LRRFIP2: variants seen among roughly 807,000 people sequenced by gnomAD.
LRRFIP2 encodes the protein leucine-rich repeat flightless-interacting protein 2.
A neutral mutation model predicts 125.9 loss-of-function variants in LRRFIP2; 109 were observed. That is an observed-to-expected ratio of 0.87 (90% confidence interval 0.74 to 1.01). The LOEUF (loss-of-function observed/expected upper bound fraction) is 1.01. Among genes scored for constraint, LRRFIP2 ranks in the 50% least tolerant of loss-of-function variants. LRRFIP2 has a pLI of 0.00. For missense variants in LRRFIP2, 850 were observed against 862.3 expected (o/e 0.99, Z 0.18); for synonymous variants, 291 against 293.1 (o/e 0.99, Z 0.07).
At chr3:37,130,175 C>T (rs2095390993) in intron 2 of LRRFIP2, among the ~76,000 whole-genome samples, 1 of 152,140 alleles carries the variant, frequency 6.6e-6, no homozygotes, top group Admixed American at 6.6e-5. Flanking sequence ...TTTCTGTGTC[C>T]ATGCATTCGC....
intron 21 of LRRFIP2, among the ~76,000 whole-genome samples, chr3:37,071,305 T>C (rs1449683354): frequency 6.6e-6 from 1 of 152,184 alleles, no homozygotes; most frequent in Non-Finnish European, 1.5e-5. Flanking sequence ...GCAGCCTCCA[T>C]CGTGTGGGCT....
chr3:37,132,033 C>A (rs1027661753), intron 2 of LRRFIP2, among the ~76,000 whole-genome samples: 1 of 152,132 alleles, frequency 6.6e-6, no homozygotes, highest in Non-Finnish European at 1.5e-5. Context: ...TAGTTTTCTC[C>A]CATGAATTTT....
chr3:37,143,786 T>C (rs1423335745), intron 2 of LRRFIP2: 1 of 163,460 alleles, frequency 6.1e-6, no homozygotes, highest in African/African-American at 2.4e-5. Context: ...ATTGTATGCA[T>C]CAGGAAGTCC....
At chr3:37,108,302 G>C (rs2094422466) in intron 12 of LRRFIP2, among the ~76,000 whole-genome samples, 173 bp from the exon 13 acceptor site, 1 of 152,186 alleles carries the variant, frequency 6.6e-6, no homozygotes, top group Non-Finnish European at 1.5e-5. Flanking sequence ...ACCAGCCCTT[G>C]GCTAGAGGGA....
chr3:37,066,260 C>T lies in LRRFIP2; in HGVS notation c.1530G>A (p.Glu510=), dbSNP rs937201678. 3 of 1,614,062 alleles carry T rather than the reference C, an allele frequency of 1.9e-6. No homozygotes were observed. The highest frequency in any genetic ancestry group is 2.7e-5 in the African/African-American group (2 of 74,928). Residue 510 remains glutamate (E), a synonymous_variant, in exon 22 of 28, where the codon GAG becomes GAA. Coordinates refer to ENST00000336686, the MANE Select transcript of LRRFIP2 (RefSeq NM_006309.4). Reference sequence around the variant, plus strand: ...TCACTGTCTCCTGCAGGTCAGCCAGCTCCTCTCTGAGCATATCTCGCTCAT... The same window carrying T: ...TCACTGTCTCCTGCAGGTCAGCCAGTTCCTCTCTGAGCATATCTCGCTCAT... The part of the protein sequence containing the change: ...LRNERDMLRE[E]LADLQETVKT...
chr3:37,069,190 A>G (rs1277782307), intron 21 of LRRFIP2, among the ~76,000 whole-genome samples: 3 of 152,204 alleles, frequency 2.0e-5, no homozygotes, highest in African/African-American at 4.8e-5. Flanking sequence ...CTGTTACTCA[A>G]AAAAATTAAA....
intron 4 of LRRFIP2, among the ~76,000 whole-genome samples, chr3:37,124,993 A>G (rs2095222270): frequency 6.6e-6 from 1 of 152,132 alleles, no homozygotes; most frequent in African/African-American, 2.4e-5. Flanking sequence ...TCATTATCCC[A>G]AAAGTCCTTA....
intron 18 of LRRFIP2, among the ~76,000 whole-genome samples, chr3:37,091,063 G>A (rs2093404993): frequency 6.6e-6 from 1 of 152,098 alleles, no homozygotes. Context: ...GGATATGCAT[G>A]TATTTTACAA....
At chr3:37,130,306 T>C (rs1482508074) in intron 2 of LRRFIP2, among the ~76,000 whole-genome samples, 2 of 152,234 alleles carry the variant, frequency 1.3e-5, no homozygotes, top group African/African-American at 2.4e-5. Context: ...ATCTTCTACA[T>C]GGTTATATGA....
At chr3:37,108,591 A>G in intron 12 of LRRFIP2, 46 bp downstream of exon 12, 1 of 1,480,104 alleles carries the variant, frequency 6.8e-7, no homozygotes, top group South Asian at 1.2e-5. Context: ...AACTGTGCCC[A>G]CCCACATTTC....
At chr3:37,109,141 T>C (rs2094457170) in intron 11 of LRRFIP2, among the ~76,000 whole-genome samples, 1 of 152,190 alleles carries the variant, frequency 6.6e-6, no homozygotes, top group African/African-American at 2.4e-5. Flanking sequence ...GCTACTGCTT[T>C]TACTTTTCTA....
intron 2 of LRRFIP2, among the ~76,000 whole-genome samples, chr3:37,143,164 C>T (rs2095758936): frequency 6.6e-6 from 1 of 152,186 alleles, no homozygotes; most frequent in South Asian, 2.1e-4. Context: ...GCCTGCCAAA[C>T]CATAAGCCAA....
chr3:37,056,433 AC>A (rs1452536521), intron 25 of LRRFIP2, among the ~76,000 whole-genome samples: 1 of 151,684 alleles, frequency 6.6e-6, no homozygotes, highest in African/African-American at 2.4e-5. Context: ...AATTACTTAT[AC>A]AGTCTTCAAT....
chr3:37,061,426 ACAAAGTCTCACTCTGCCACCCAAGG>A (rs1431343812), intron 24 of LRRFIP2, among the ~76,000 whole-genome samples: 2 of 145,436 alleles, frequency 1.4e-5, no homozygotes, highest in African/African-American at 2.6e-5. Context: ...TTTTTTTGAG[ACAAAGTCTCACTCTGCCACCCAAGG>A]CTGGAGTGCA....
chr3:37,105,637 A>G (rs2094281872), intron 13 of LRRFIP2, 114 bp from the exon 14 acceptor site: 1 of 707,662 alleles, frequency 1.4e-6, no homozygotes. Flanking sequence ...TATAAGCAGC[A>G]TAATTGGTAT....
At chr3:37,170,797 G>A (rs540964730) in intron 1 of LRRFIP2, 2 of 152,310 alleles carry the variant, frequency 1.3e-5, no homozygotes, top group Non-Finnish European at 1.5e-5. Flanking sequence ...CTCCTGGACG[G>A]GCGCAGTGGC....
chr3:37,101,338 C>G (rs13086123), intron 15 of LRRFIP2, among the ~76,000 whole-genome samples: 14 of 144,952 alleles, frequency 9.7e-5, no homozygotes, highest in African/African-American at 3.6e-4. Flanking sequence ...GCCTAGGTGA[C>G]AGAGTGAGAC....
At chr3:37,111,904 T>A (rs943069737) in intron 8 of LRRFIP2, 5 of 152,292 alleles carry the variant, frequency 3.3e-5, no homozygotes, top group African/African-American at 1.2e-4. Context: ...CCTTCTCTCC[T>A]CCCTTGTACC....
intron 6 of LRRFIP2, among the ~76,000 whole-genome samples, chr3:37,120,266 C>T (rs2149539219): frequency 6.6e-6 from 1 of 151,974 alleles, no homozygotes; most frequent in Middle Eastern, 3.4e-3. Context: ...GCCACCACAC[C>T]CGGCTAATTT....
Sources: gnomAD v4.1 joint callset for allele counts (sites outside exome capture counted in the v4.1 genomes callset) on GRCh38, gnomAD v4.1.1 for gene constraint, MANE v1.5 for transcripts, NCBI Gene and HGNC (gene_info 2026-07-23, HGNC 2026-07-21) for gene names.